Variants in SAXO4 observed in about 807,000 individuals in gnomAD.
SAXO4 encodes the protein stabilizer of axonemal microtubules 4, also known as protein phosphatase 1 regulatory subunit 32.
the SAXO4 span, chr11:61,487,181 T>C: frequency 4.3e-6 from 7 of 1,613,984 alleles, no homozygotes; most frequent in East Asian, 2.2e-5. Context: ...ACCCCATGTA[T>C]GTCCGGAGCC....
the SAXO4 span, chr11:61,481,773 C>T: frequency 2.3e-6 from 3 of 1,284,222 alleles, no homozygotes; most frequent in South Asian, 4.8e-5. Context: ...CCCCGTGCTT[C>T]CTTTCTAGGC....
At chr11:61,490,421 G>A in the SAXO4 span, 3 of 1,312,062 alleles carry the variant, frequency 2.3e-6, no homozygotes, top group Non-Finnish European at 3.3e-6. Context: ...CTCTCAGGGA[G>A]GGTCAGGCAG....
chr11:61,489,738 G>A, the SAXO4 span: 1 of 1,605,488 alleles, frequency 6.2e-7, no homozygotes, highest in African/African-American at 1.3e-5. Flanking sequence ...TTGCAGAGGT[G>A]GGCAGAGTCC....
At chr11:61,482,773 C>G in the SAXO4 span, 3 of 1,612,802 alleles carry the variant, frequency 1.9e-6, no homozygotes, top group Non-Finnish European at 2.5e-6. Flanking sequence ...AGGCTATGGG[C>G]GGGAGAAGCC....
the SAXO4 span, among the ~76,000 whole-genome samples, chr11:61,483,356 C>T: frequency 2.6e-5 from 4 of 151,884 alleles, no homozygotes; most frequent in Non-Finnish European, 4.4e-5. Flanking sequence ...TTAGTACAGA[C>T]AGGGTTTCAC....
chr11:61,489,680 G>A, the SAXO4 span: 91 of 1,223,894 alleles, frequency 7.4e-5, 1 homozygote, highest in South Asian at 1.1e-3. Context: ...ATGAGCAAAG[G>A]TGGGGAGGCT....
the SAXO4 span, chr11:61,489,863 C>T: frequency 2.5e-5 from 41 of 1,613,734 alleles, no homozygotes; most frequent in South Asian, 5.5e-5. Flanking sequence ...CAGGAGGCTA[C>T]GCCCTCAGCC....
the SAXO4 span, chr11:61,489,503 CGG>C: frequency 1.7e-6 from 1 of 575,832 alleles, no homozygotes. Context: ...GTGGATGAGA[CGG>C]GGTCCCCACC....
At chr11:61,487,025 C>G in the SAXO4 span, 1 of 1,614,100 alleles carries the variant, frequency 6.2e-7, no homozygotes, top group Non-Finnish European at 8.5e-7. Flanking sequence ...AACAGACAAA[C>G]GTTGCCCTGC....
the SAXO4 span, chr11:61,485,355 G>A: frequency 4.0e-5 from 64 of 1,613,904 alleles, no homozygotes; most frequent in South Asian, 2.4e-4. Context: ...GCTTCATGAC[G>A]TCGGAGTACA....
At chr11:61,482,901 G>A in the SAXO4 span, 3 of 1,362,698 alleles carry the variant, frequency 2.2e-6, no homozygotes, top group African/African-American at 2.9e-5. Context: ...GGAGGTGACA[G>A]GGCATGGAGC....
At chr11:61,481,843 C>T in the SAXO4 span, 4 of 1,542,530 alleles carry the variant, frequency 2.6e-6, no homozygotes, top group African/African-American at 5.7e-5. Context: ...GGTCGTCTCC[C>T]CTTATGTGAA....
At chr11:61,489,148 G>GGAGGGCCAGAGGCTCAGTCTGGGTGT in the SAXO4 span, 6,033 of 142,468 alleles carry the variant, frequency 0.042, 161 homozygotes, top group Non-Finnish European at 0.056. Flanking sequence ...CGGAGGTGGG[G>GGAGGGCCAGAGGCTCAGTCTGGGTGT]GAGGGGCAAC....
chr11:61,482,251 C>A, the SAXO4 span: 1 of 1,503,674 alleles, frequency 6.7e-7, no homozygotes, highest in South Asian at 1.1e-5. Flanking sequence ...GCTGGCCCTG[C>A]CTGGGAAGCC....
the SAXO4 span, chr11:61,489,530 G>A: frequency 7.9e-5 from 46 of 584,434 alleles, no homozygotes; most frequent in Admixed American, 2.8e-4. Flanking sequence ...GGTACTGGCA[G>A]GCCAGGGACA....
At chr11:61,482,165 G>C in the SAXO4 span, 2 of 717,080 alleles carry the variant, frequency 2.8e-6, no homozygotes, top group East Asian at 5.2e-5. Flanking sequence ...AGTCCTGAAA[G>C]GGCAGGCTTG....
the SAXO4 span, chr11:61,487,157 G>GT: frequency 6.2e-7 from 1 of 1,613,966 alleles, no homozygotes; most frequent in East Asian, 2.2e-5. Flanking sequence ...AGCCCACAGG[G>GT]TTCAGCCTTA....
chr11:61,485,289 G>A, the SAXO4 span: 57 of 1,565,186 alleles, frequency 3.6e-5, no homozygotes, highest in Non-Finnish European at 4.2e-5. Context: ...ACACGCCTTC[G>A]GGGCCCTGGT....
At chr11:61,490,045 A>C in the SAXO4 span, 13 of 1,244,842 alleles carry the variant, frequency 1.0e-5, no homozygotes, top group Non-Finnish European at 2.2e-6. Context: ...AGTCCGGTTC[A>C]TTCCTATGAG....
Sources: gnomAD v4.1 joint callset for allele counts (sites outside exome capture counted in the v4.1 genomes callset) on GRCh38, gnomAD v4.1.1 for gene constraint, MANE v1.5 for transcripts, NCBI Gene and HGNC (gene_info 2026-07-23, HGNC 2026-07-21) for gene names.